Variants in LANCL1 observed in about 807,000 individuals in gnomAD.
LANCL1 encodes the protein LanC like glutathione S-transferase 1, also known as glutathione S-transferase LANCL1.
Under a neutral mutation model 50.6 loss-of-function variants are expected in LANCL1, and 50 were observed. That is an observed-to-expected ratio of 0.99 (90% CI 0.79 to 1.25). LANCL1 has a LOEUF of 1.25. LANCL1 is among the 50% of genes most tolerant of loss of function. The probability of loss-of-function intolerance (pLI) is 0.00; values close to 1 mark genes in which losing one functional copy is unlikely to be tolerated. For synonymous variants in LANCL1, 188 were observed against 178.6 expected (o/e 1.05, Z -0.42); for missense variants, 532 against 480.7 (o/e 1.11, Z -1.00).
intron 4 of LANCL1, among the ~76,000 whole-genome samples, chr2:210,443,422 A>G (rs1455345339): frequency 6.6e-6 from 1 of 152,354 alleles, no homozygotes; most frequent in East Asian, 1.9e-4. Context: ...GAAACTTAAC[A>G]AAATGATATT....
intron 4 of LANCL1, among the ~76,000 whole-genome samples, chr2:210,448,194 A>G (rs1055187185): frequency 3.2e-4 from 48 of 152,358 alleles, no homozygotes; most frequent in African/African-American, 1.2e-3. Flanking sequence ...AGGATCAAGA[A>G]ACTCACTCAG....
chr2:210,432,709 C>T lies in LANCL1; in HGVS notation c.*1778G>A, dbSNP rs747306190. The stretch of plus-strand genomic sequence containing the variant: ...CTTTATTCTTTCAAGCTGAACACCC[C>T]AGGCAAAGGCAAATTAGCTTTGCTG... On this transcript the variant is annotated 3_prime_UTR_variant, in exon 10 of 10. Transcript: ENST00000450366. 10 of 152,202 alleles carry T rather than the reference C, an allele frequency of 6.6e-5. No individual in the cohort carries two copies. The highest frequency in any genetic ancestry group is 1.0e-4 in the Non-Finnish European group (7 of 68,054). The allele number at this position is 152,202 out of a possible 1,614,324, so 9.4% of individuals were successfully genotyped here. A position where few individuals can be genotyped will look rare whatever the true frequency, so the allele number is the denominator to read the frequency against.
intron 2 of LANCL1, among the ~76,000 whole-genome samples, chr2:210,473,264 A>C (rs113639448): frequency 0.017 from 2,524 of 152,236 alleles, 55 homozygotes; most frequent in Middle Eastern, 0.055. Context: ...AATCCCAGCT[A>C]TTCGGAAGCC....
rs369352788 is a variant in LANCL1 at position 210,466,515 on chromosome 2, T to C, written c.199+5444A>G. ...CACAAATTATAGGCTGTGATACACA[T>C]AGCCGTCTTGCCTGTTTTTGAGGGT... On this transcript the variant is annotated intron_variant, in intron 3 of 9. Coordinates refer to ENST00000450366, the MANE Select transcript of LANCL1 (RefSeq NM_006055.3). 6.9e-4 allele frequency among the ~76,000 whole-genome samples: 105 copies of C among 152,320 alleles called. 2 individuals carry two copies. Among genetic ancestry groups the C allele is most frequent in the African/African-American group, 2.4e-3 (99 of 41,582 alleles).
At chr2:210,467,942 G>C (rs1407391931) in intron 3 of LANCL1, among the ~76,000 whole-genome samples, 1 of 152,084 alleles carries the variant, frequency 6.6e-6, no homozygotes, top group African/African-American at 2.4e-5. Flanking sequence ...ATTGATGCAT[G>C]GTACAAATTG....
chr2:210,475,415 C>T (rs1317585782), intron 2 of LANCL1, among the ~76,000 whole-genome samples: 2 of 152,066 alleles, frequency 1.3e-5, no homozygotes, highest in African/African-American at 2.4e-5. Flanking sequence ...ACTACAGCCT[C>T]GAATCTCCTA....
chr2:210,457,255 GAA>G (rs1440227521), intron 3 of LANCL1, among the ~76,000 whole-genome samples: 1 of 152,068 alleles, frequency 6.6e-6, no homozygotes, highest in African/African-American at 2.4e-5. Context: ...CCCAGGTCAG[GAA>G]AATAAGACAA....
At chr2:210,463,038 T>C (rs1374203199) in intron 3 of LANCL1, among the ~76,000 whole-genome samples, 1 of 152,158 alleles carries the variant, frequency 6.6e-6, no homozygotes. Flanking sequence ...AACACACATA[T>C]ACACACATGC....
intron 3 of LANCL1, among the ~76,000 whole-genome samples, chr2:210,455,918 T>C (rs1443852028): frequency 1.3e-5 from 2 of 149,446 alleles, no homozygotes; most frequent in African/African-American, 2.5e-5. Context: ...TGAGAAAAAA[T>C]ATTCAACCCC....
chr2:210,436,788 T>A (rs1179455152), intron 7 of LANCL1, among the ~76,000 whole-genome samples: 1 of 152,196 alleles, frequency 6.6e-6, no homozygotes, highest in African/African-American at 2.4e-5. Flanking sequence ...AGAACAACTG[T>A]TCTTTATTAA....
chr2:210,448,042 C>T (rs1016418701), intron 4 of LANCL1, among the ~76,000 whole-genome samples: 1 of 152,208 alleles, frequency 6.6e-6, no homozygotes, highest in Non-Finnish European at 1.5e-5. Flanking sequence ...CCCAAATCAA[C>T]AGAATGTACA....
intron 2 of LANCL1, among the ~76,000 whole-genome samples, chr2:210,474,959 G>T (rs552994017): frequency 6.2e-4 from 94 of 152,174 alleles, no homozygotes; most frequent in Non-Finnish European, 6.6e-4. Flanking sequence ...AGGCCCAAAT[G>T]GCCAAAGGGA....
chr2:210,472,509 A>T (rs1055195126), intron 2 of LANCL1, among the ~76,000 whole-genome samples: 1 of 152,062 alleles, frequency 6.6e-6, no homozygotes, highest in African/African-American at 2.4e-5. Flanking sequence ...GCTCTTATTT[A>T]AAAAAAAGGA....
intron 3 of LANCL1, among the ~76,000 whole-genome samples, chr2:210,464,694 C>G (rs988764361): frequency 6.8e-6 from 1 of 147,052 alleles, no homozygotes; most frequent in Admixed American, 6.7e-5. Flanking sequence ...AGGCCGGGCG[C>G]GGTGGCTCAC....
Position 210,431,849 on chromosome 2 carries a change from A to T in LANCL1, c.*2638T>A, listed in dbSNP as rs1297344758. The T allele has an allele frequency of 1.3e-5, 2 of 152,212 alleles. No homozygotes were observed. The highest frequency in any genetic ancestry group is 4.8e-5 in the African/African-American group (2 of 41,452). The allele number at this position is 152,212 out of a possible 1,614,324, so 9.4% of individuals were successfully genotyped here. A position where few individuals can be genotyped will look rare whatever the true frequency, so the allele number is the denominator to read the frequency against. The stretch of plus-strand genomic sequence containing the variant: ...CGTCCATGGTATCTATGGAAATAGG[A>T]TAATGTTAACTTTTTACATGATGAA... On this transcript the variant is annotated 3_prime_UTR_variant, in exon 10 of 10. Transcript: ENST00000450366.
At chr2:210,474,545 G>A (rs1574447911) in intron 2 of LANCL1, among the ~76,000 whole-genome samples, 1 of 149,718 alleles carries the variant, frequency 6.7e-6, no homozygotes, top group African/African-American at 2.5e-5. Flanking sequence ...GTGAAACCCT[G>A]CCTCTACTAA....
rs1692796337 is a variant in LANCL1 at position 210,432,938 on chromosome 2, G to A, written c.*1549C>T. 6.6e-6 allele frequency: 1 copy of A among 152,562 alleles called. No individual in the cohort carries two copies. The highest frequency in any genetic ancestry group is 6.5e-5 in the Admixed American group (1 of 15,274). 9.5% of individuals were successfully genotyped at this position (152,562 alleles called of 1,614,324 possible). On this transcript the variant is annotated 3_prime_UTR_variant, in exon 10 of 10. Coordinates refer to ENST00000450366, the MANE Select transcript of LANCL1 (RefSeq NM_006055.3). ...TGCTTTTTAAATCCTACTGCCAGTGGCCTTTAAAAGGTCAGTTTCCAATAA... is the reference window on the plus strand; with the variant it reads ...TGCTTTTTAAATCCTACTGCCAGTGACCTTTAAAAGGTCAGTTTCCAATAA...
intron 5 of LANCL1, among the ~76,000 whole-genome samples, 191 bp downstream of exon 5, chr2:210,441,115 CTT>C (rs1574416242): frequency 6.6e-6 from 1 of 152,280 alleles, no homozygotes; most frequent in Admixed American, 6.5e-5. Flanking sequence ...CCTTCGGACT[CTT>C]GAGACAGAAA....
chr2:210,465,117 C>T (rs1218677738), intron 3 of LANCL1, among the ~76,000 whole-genome samples: 1 of 152,196 alleles, frequency 6.6e-6, no homozygotes, highest in Non-Finnish European at 1.5e-5. Context: ...ACTTCTTAGC[C>T]ACCTCCTGTT....
Sources: gnomAD v4.1 joint callset for allele counts (sites outside exome capture counted in the v4.1 genomes callset) on GRCh38, gnomAD v4.1.1 for gene constraint, MANE v1.5 for transcripts, NCBI Gene and HGNC (gene_info 2026-07-23, HGNC 2026-07-21) for gene names.